The following MYT1L variants were observed in gnomAD, a reference collection of about 807,000 sequenced individuals.
MYT1L encodes myelin transcription factor 1-like protein.
Under a neutral mutation model 126.7 loss-of-function variants are expected in MYT1L, and 12 were observed. That is an observed-to-expected ratio of 0.09 (90% CI 0.06 to 0.15). The LOEUF (loss-of-function observed/expected upper bound fraction) is 0.15, where lower values mean the gene tolerates loss of function less well. MYT1L is among the 10% of genes least tolerant of loss of function. The pLI is 1.00. For missense variants in MYT1L, 979 were observed against 1,585.2 expected (o/e 0.62, Z 6.49); for synonymous variants, 541 against 604.2 (o/e 0.90, Z 1.53).
At chr2:1,862,845 G>C (rs1280114808) in intron 18 of MYT1L, among the ~76,000 whole-genome samples, 1 of 152,126 alleles carries the variant, frequency 6.6e-6, no homozygotes, top group Non-Finnish European at 1.5e-5. Context: ...TGAGTGGACA[G>C]GGGAGAGGGA....
chr2:1,986,958 C>A (rs1213605503), intron 5 of MYT1L, among the ~76,000 whole-genome samples: 1 of 152,224 alleles, frequency 6.6e-6, no homozygotes, highest in Non-Finnish European at 1.5e-5. Context: ...GAGGAAACAT[C>A]AAGTCAGGTG....
intron 3 of MYT1L, among the ~76,000 whole-genome samples, chr2:2,136,270 A>T (rs577671986): frequency 6.6e-6 from 1 of 152,360 alleles, no homozygotes; most frequent in African/African-American, 2.4e-5. Context: ...GTCCTTTCAG[A>T]AACTGCATAT....
At chr2:2,093,461 T>C (rs2077106361) in intron 3 of MYT1L, among the ~76,000 whole-genome samples, 1 of 152,206 alleles carries the variant, frequency 6.6e-6, no homozygotes, top group African/African-American at 2.4e-5. Context: ...CATTTTTTCA[T>C]GTGTCTTTTG....
At position 1,992,754 on chromosome 2, in the gene MYT1L, C is replaced by T. The variant is rs117271094; in HGVS notation, c.-1+4437G>A. On this transcript the variant is annotated intron_variant, in intron 5 of 24. Transcript: ENST00000647738. ...GATAACGGCCCTTTCCCAAAGCAGA[C>T]CTCCTTCTTGCCTGGGGACTACATT... Among the ~76,000 whole-genome samples the T allele has an allele frequency of 4.1e-3, 629 of 152,334 alleles. 8 individuals are homozygous for T. In the East Asian group the frequency reaches 0.046, roughly 11 times the overall value.
intron 3 of MYT1L, among the ~76,000 whole-genome samples, chr2:2,065,336 C>T: frequency 6.6e-6 from 1 of 152,232 alleles, no homozygotes; most frequent in Middle Eastern, 3.4e-3. Flanking sequence ...TTAATGGCTA[C>T]AAAGTCACAA....
chr2:2,157,880 G>C (rs972632970), intron 3 of MYT1L, among the ~76,000 whole-genome samples: 2 of 152,100 alleles, frequency 1.3e-5, no homozygotes, highest in African/African-American at 4.8e-5. Context: ...CCAGTCTTAT[G>C]TCCCTAAATT....
chr2:1,899,592 C>T (rs932637909), intron 14 of MYT1L, among the ~76,000 whole-genome samples: 3 of 152,210 alleles, frequency 2.0e-5, no homozygotes, highest in African/African-American at 7.2e-5. Context: ...CGCAGCTTTC[C>T]CTGTTCTTCC....
At chr2:1,882,932 T>G (rs1258638080) in intron 18 of MYT1L, among the ~76,000 whole-genome samples, 1 of 152,190 alleles carries the variant, frequency 6.6e-6, no homozygotes, top group South Asian at 2.1e-4. Context: ...GTAACCAGGT[T>G]AAAAAGATGT....
intron 1 of MYT1L, among the ~76,000 whole-genome samples, chr2:2,295,753 GACAGACAGACAGAC>G (rs2095679520): frequency 3.3e-5 from 3 of 90,674 alleles, no homozygotes; most frequent in African/African-American, 1.0e-4. Context: ...GAGAGAGAGA[GACAGACAGACAGAC>G]AGAGAGAGAG....
intron 2 of MYT1L, among the ~76,000 whole-genome samples, chr2:2,216,798 AG>A (rs1315316691): frequency 3.9e-5 from 6 of 152,144 alleles, no homozygotes; most frequent in African/African-American, 1.4e-4. Context: ...AAAGAGAGAG[AG>A]AGAGAGAGAA....
chr2:1,828,374 T>C (rs1286400696), intron 21 of MYT1L: 1 of 152,152 alleles, frequency 6.6e-6, no homozygotes, highest in Admixed American at 6.5e-5. Context: ...GGTGACACTG[T>C]GGGGTGGTTT....
At chr2:2,321,842 G>T (rs1167873532) in intron 1 of MYT1L, among the ~76,000 whole-genome samples, 1 of 152,158 alleles carries the variant, frequency 6.6e-6, no homozygotes, top group East Asian at 1.9e-4. Flanking sequence ...AAATTGGAGT[G>T]TTCTATGTAA....
At chr2:2,243,774 G>A (rs1006390762) in intron 2 of MYT1L, among the ~76,000 whole-genome samples, 4 of 152,180 alleles carry the variant, frequency 2.6e-5, no homozygotes, top group African/African-American at 7.2e-5. Flanking sequence ...GGAGCTGCGA[G>A]CAAAGTAGTG....
chr2:2,311,918 A>T (rs1235951558), intron 1 of MYT1L, among the ~76,000 whole-genome samples: 1 of 152,234 alleles, frequency 6.6e-6, no homozygotes. Flanking sequence ...TCTTTGCCAC[A>T]TTTAGGTCCT....
chr2:2,102,173 C>CT (rs201161970), intron 3 of MYT1L, among the ~76,000 whole-genome samples: 55 of 151,998 alleles, frequency 3.6e-4, no homozygotes, highest in African/African-American at 1.2e-3. Context: ...GCCTTCTGAG[C>CT]TTTTTTTTAT....
chr2:1,959,028 C>T (rs1473121725), intron 8 of MYT1L, among the ~76,000 whole-genome samples: 1 of 152,164 alleles, frequency 6.6e-6, no homozygotes, highest in Non-Finnish European at 1.5e-5. Context: ...AAAAAAGAAT[C>T]GGTGGGGAGC....
intron 4 of MYT1L, among the ~76,000 whole-genome samples, chr2:2,005,145 TGCAG>T (rs2063088149): frequency 6.6e-6 from 1 of 151,562 alleles, no homozygotes; most frequent in African/African-American, 2.4e-5. Flanking sequence ...CATTCTTTCC[TGCAG>T]GCATTATTTC....
chr2:2,292,984 G>T lies in MYT1L; in HGVS notation c.-520-8481C>A, dbSNP rs376233315. On this transcript the variant is annotated intron_variant, in intron 1 of 24. Transcript: ENST00000647738. ...GCAAAAGAACATTTTCCTCTGTCTT[G>T]CATGTTTATGTTTCATTTGCAAGTT... is the stretch of plus-strand genomic sequence containing the variant. Among the ~76,000 whole-genome samples, 7 of 152,236 alleles carry T rather than the reference G, an allele frequency of 4.6e-5. No individual in the cohort carries two copies. In the South Asian group the frequency reaches 1.2e-3, roughly 27 times the overall value.
chr2:2,152,024 C>A (rs2085880245), intron 3 of MYT1L, among the ~76,000 whole-genome samples: 1 of 152,312 alleles, frequency 6.6e-6, no homozygotes, highest in East Asian at 1.9e-4. Context: ...CCACCACACT[C>A]CAGCCTGGGT....
Sources: gnomAD v4.1 joint callset for allele counts (sites outside exome capture counted in the v4.1 genomes callset) on GRCh38, gnomAD v4.1.1 for gene constraint, MANE v1.5 for transcripts, NCBI Gene and HGNC (gene_info 2026-07-23, HGNC 2026-07-21) for gene names.